The following FGF6 variants were observed in gnomAD, a reference collection of about 807,000 sequenced individuals.
FGF6 encodes FGF-6.
A neutral mutation model predicts 18.4 loss-of-function variants in FGF6; 14 were observed. That is an observed-to-expected ratio of 0.76 (90% CI 0.50 to 1.19). The LOEUF (loss-of-function observed/expected upper bound fraction) is 1.19. Ranked by LOEUF, FGF6 falls within the 50% of genes most tolerant of loss-of-function variation. The pLI is 0.00. For synonymous variants in FGF6, 125 were observed against 116.7 expected, an observed-to-expected ratio of 1.07 and a Z score of -0.46; for missense variants, 266 against 271.6, an observed-to-expected ratio of 0.98 and a Z score of 0.15.
chr12:4,442,103 G>A (rs1865698949), intron 2 of FGF6, among the ~76,000 whole-genome samples: 1 of 152,180 alleles, frequency 6.6e-6, no homozygotes, highest in East Asian at 1.9e-4. Context: ...GAAGGGCGCC[G>A]GGTCTTTTCC....
In FGF6 at chr12:4,436,287, G is replaced by A. The variant is rs17183730; in HGVS notation, c.451-1896C>T. Reference sequence around the variant, plus strand: ...CCAAGATCCCTGAGATGAGGACTGTGTCTTGCTTGGTACATGATGCTGAGT... The same window carrying A: ...CCAAGATCCCTGAGATGAGGACTGTATCTTGCTTGGTACATGATGCTGAGT... On this transcript the variant is annotated intron_variant, in intron 2 of 2. Coordinates refer to ENST00000228837, the MANE Select transcript of FGF6 (RefSeq NM_020996.3). Among the ~76,000 whole-genome samples the A allele has an allele frequency of 1.3e-3, 199 of 152,248 alleles. 2 individuals carry two copies. The highest frequency in any genetic ancestry group is 2.1e-4 in the South Asian group (1 of 4,824).
chr12:4,440,858 A>G (rs530758402), intron 2 of FGF6, among the ~76,000 whole-genome samples: 3 of 152,276 alleles, frequency 2.0e-5, no homozygotes, highest in Admixed American at 6.5e-5. Context: ...GAGCCAAGGC[A>G]AGGCTGGTCC....
rs201860096 is a variant in FGF6, at chr12:4,445,289, G to C, written c.282C>G (p.Ile94Met). Residue 94 changes from isoleucine (I) to methionine (M), a missense_variant, in exon 1 of 3, where the codon ATC becomes ATG. Physicochemically the swap from Ile to Met is conservative, Grantham distance 10. Transcript: ENST00000228837. This position sits in a 1 kb window ranked among gnomAD's most constrained non-coding sequence, Gnocchi z 5.5. ...CGGGGAGCACCTGGAGGTGAAAGCC[G>C]ATGCCCACGTTGCAGTAGAGCCTCC... Reference protein sequence around the residue: ...RQRRLYCNVGIGFHLQVLPDG... With the variant: ...RQRRLYCNVGMGFHLQVLPDG... The C allele has an allele frequency of 6.2e-7, 1 of 1,614,026 alleles. No homozygotes were observed. Among genetic ancestry groups the C allele is most frequent in the Non-Finnish European group, 8.5e-7 (1 of 1,180,036 alleles).
chr12:4,438,168 G>C (rs897617488), intron 2 of FGF6, among the ~76,000 whole-genome samples: 1 of 152,148 alleles, frequency 6.6e-6, no homozygotes, highest in African/African-American at 2.4e-5. Flanking sequence ...CCTAATAAGA[G>C]AAATGTAAGT....
At chr12:4,435,942 A>G (rs1865623259) in intron 2 of FGF6, among the ~76,000 whole-genome samples, 1 of 152,062 alleles carries the variant, frequency 6.6e-6, no homozygotes, top group Non-Finnish European at 1.5e-5. Context: ...GGTGGGAGCC[A>G]GAGACCCGGG....
chr12:4,442,801 C>G (rs1236965885), intron 2 of FGF6, among the ~76,000 whole-genome samples: 1 of 152,206 alleles, frequency 6.6e-6, no homozygotes, highest in African/African-American at 2.4e-5. Context: ...CACTCGCCCT[C>G]CAGCTTTCAG....
chr12:4,439,705 T>C (rs1296816338), intron 2 of FGF6, among the ~76,000 whole-genome samples: 1 of 152,192 alleles, frequency 6.6e-6, no homozygotes, highest in African/African-American at 2.4e-5. Flanking sequence ...TACTACTTTT[T>C]TTTCTTTCCA....
In FGF6 at chr12:4,445,172, C is replaced by A; in HGVS notation, c.346+53G>T. The A allele has an allele frequency of 6.8e-7, 1 of 1,470,360 alleles. No individual in the cohort carries two copies. The highest frequency in any genetic ancestry group is 9.3e-7 in the Non-Finnish European group (1 of 1,080,008). The allele number at this position is 1,470,360 out of a possible 1,614,324, so 91.1% of individuals were successfully genotyped here. ...GAGCAGGGCCCCTTCACCTTTTAGC[C>A]CTGCATGAGCCCAAACCCCCAAGCG... On this transcript the variant is annotated intron_variant, in intron 1 of 2. Coordinates refer to ENST00000228837, the MANE Select transcript of FGF6 (RefSeq NM_020996.3). The surrounding 1 kb of genome is among the most constrained non-coding windows in gnomAD (Gnocchi z 5.5).
chr12:4,444,181 T>A lies in FGF6; in HGVS notation c.402A>T (p.Arg134Ser). Residue 134 changes from arginine to serine, a missense_variant, in exon 2 of 3, where the codon AGA becomes AGT. Physicochemically the swap from Arg to Ser is moderately radical, Grantham distance 110. Coordinates refer to ENST00000228837, the MANE Select transcript of FGF6 (RefSeq NM_020996.3). ...ERGVVSLFGV[R>S]SALFVAMNSK... ...TGTTCATGGCAACGAAGAGGGCACT[T>A]CTCACTCCAAAGAGACTCACCACGC... 3 of 1,614,016 alleles carry A rather than the reference T, an allele frequency of 1.9e-6. No homozygotes were observed. Among genetic ancestry groups the A allele is most frequent in the Non-Finnish European group, 2.5e-6 (3 of 1,179,920 alleles).
chr12:4,444,268 G>C (rs368814301), intron 1 of FGF6, 32 bp from the exon 2 acceptor site: 25 of 1,459,058 alleles, frequency 1.7e-5, no homozygotes, highest in Middle Eastern at 1.7e-4. Context: ...CATTACCTAA[G>C]GCTTGTGCAA....
chr12:4,443,046 C>G (rs978734046), intron 2 of FGF6, among the ~76,000 whole-genome samples: 9 of 152,292 alleles, frequency 5.9e-5, no homozygotes, highest in Admixed American at 1.3e-4. Context: ...GTCCACAGAC[C>G]CGTGTGGGAG....
intron 2 of FGF6, among the ~76,000 whole-genome samples, chr12:4,442,703 A>G (rs962198338): frequency 1.3e-5 from 2 of 152,130 alleles, no homozygotes; most frequent in Admixed American, 6.5e-5. Context: ...TGCTCCATCA[A>G]AACCTGGGTT....
chr12:4,436,214 C>A (rs938020707), intron 2 of FGF6, among the ~76,000 whole-genome samples: 7 of 152,106 alleles, frequency 4.6e-5, no homozygotes, highest in African/African-American at 1.7e-4. Context: ...TTTCAGTGGA[C>A]CTCTCTGGCA....
rs182596949 is a variant in FGF6, at chr12:4,434,462, G to A, written c.451-71C>T. 272 of 1,455,288 alleles carry A rather than the reference G, an allele frequency of 1.9e-4. 2 individuals carry two copies. In the East Asian group the frequency reaches 3.3e-3, roughly 17 times the overall value. 90.1% of individuals were successfully genotyped at this position (1,455,288 alleles called of 1,614,324 possible). ...GAGTGCTGCAGATGCCAGCTGGGCC[G>A]CAGAGAGTAGGCCCCTCTGCCAGGT... On this transcript the variant is annotated intron_variant, in intron 2 of 2. Coordinates refer to ENST00000228837, the MANE Select transcript of FGF6 (RefSeq NM_020996.3).
At position 4,442,552 on chromosome 12, in the gene FGF6, GCTAAAACGTCC is replaced by G. The variant is rs575067439; in HGVS notation, c.450+1570_450+1580del. ...GTGCTTTCTCCCAGGAGATTTACTTGCTAAAACGTCCCTTGCTTGCATGGAGTCCCACAGCC... is the reference window on the plus strand; with the variant it reads ...GTGCTTTCTCCCAGGAGATTTACTTGCTTGCTTGCATGGAGTCCCACAGCC... On this transcript the variant is annotated intron_variant, in intron 2 of 2. Transcript: ENST00000228837. Among the ~76,000 whole-genome samples the G allele has an allele frequency of 4.5e-3, 692 of 152,316 alleles. 1 individual carries two copies. Among genetic ancestry groups the G allele is most frequent in the Non-Finnish European group, 6.7e-3 (458 of 68,016 alleles).
intron 2 of FGF6, 76 bp from the exon 3 acceptor site, chr12:4,434,467 G>T: frequency 7.0e-7 from 1 of 1,419,120 alleles, no homozygotes; most frequent in Admixed American, 1.7e-5. Context: ...GGGCCGCAGA[G>T]AGTAGGCCCC....
intron 2 of FGF6, among the ~76,000 whole-genome samples, chr12:4,441,841 G>GT (rs985672462): frequency 6.6e-5 from 10 of 152,066 alleles, no homozygotes; most frequent in Non-Finnish European, 7.4e-5. Context: ...GTTGGCAATT[G>GT]TTTTTTTAGA....
At position 4,434,280 on chromosome 12, in the gene FGF6, G is replaced by C; in HGVS notation, c.562C>G (p.Arg188Gly). ...GACACCTTGCTGCCCCGCTTTACCC[G>C]TCCGTATTTGCTCAGGGCAATGTAG... ...GTYIALSKYG[R>G]VKRGSKVSPI... The change falls in exon 3 of 3, where the codon CGG becomes GGG. Residue 188 changes from arginine to glycine, a missense_variant. Coordinates refer to ENST00000228837, the MANE Select transcript of FGF6 (RefSeq NM_020996.3). 1 of 1,614,156 alleles carries C rather than the reference G, an allele frequency of 6.2e-7. No homozygotes were observed. The highest frequency in any genetic ancestry group is 8.5e-7 in the Non-Finnish European group (1 of 1,180,026).
chr12:4,445,792 C>T lies in FGF6; in HGVS notation c.-222G>A, dbSNP rs762836266. Among the ~76,000 whole-genome samples the T allele has an allele frequency of 3.9e-5, 6 of 152,154 alleles. No individual in the cohort carries two copies. Among genetic ancestry groups the T allele is most frequent in the Non-Finnish European group, 7.4e-5 (5 of 68,026 alleles). On this transcript the variant is annotated 5_prime_UTR_variant, in exon 1 of 3. Coordinates refer to ENST00000228837, the MANE Select transcript of FGF6 (RefSeq NM_020996.3). The surrounding 1 kb of genome is among the most constrained non-coding windows in gnomAD (Gnocchi z 5.5). ...CATGGCTCGGGGACGCTCTCTAGCT[C>T]GCCCGCTTGCTCCGTCCCTAGTTGA...
Sources: gnomAD v4.1 joint callset for allele counts (sites outside exome capture counted in the v4.1 genomes callset) on GRCh38, gnomAD v4.1.1 for gene constraint, Gnocchi (gnomAD v3.1) non-coding constraint, MANE v1.5 for transcripts, NCBI Gene and HGNC (gene_info 2026-07-23, HGNC 2026-07-21) for gene names.